Variants in CSTPP1 observed in about 807,000 individuals in gnomAD.
CSTPP1 encodes the protein UPF0705 protein C11orf49.
At chr11:46,983,586 G>A in the CSTPP1 span, among the ~76,000 whole-genome samples, 5 of 152,258 alleles carry the variant, frequency 3.3e-5, no homozygotes, top group South Asian at 4.1e-4. Context: ...CAGGGATGCA[G>A]GTGTGCTGTT....
chr11:47,147,320 A>AT, the CSTPP1 span, among the ~76,000 whole-genome samples: 1 of 152,202 alleles, frequency 6.6e-6, no homozygotes, highest in Non-Finnish European at 1.5e-5. Flanking sequence ...AGCATGGAAA[A>AT]GAAGCTAGGC....
the CSTPP1 span, among the ~76,000 whole-genome samples, chr11:47,156,309 C>A: frequency 6.6e-6 from 1 of 152,216 alleles, no homozygotes; most frequent in South Asian, 2.1e-4. Flanking sequence ...CCTCTTCTCA[C>A]AGCACCCCCA....
chr11:47,073,461 G>C, the CSTPP1 span, among the ~76,000 whole-genome samples: 2 of 152,174 alleles, frequency 1.3e-5, no homozygotes, highest in Admixed American at 1.3e-4. Flanking sequence ...TGGGGGGCCA[G>C]GGTAGGAGGG....
the CSTPP1 span, among the ~76,000 whole-genome samples, chr11:47,132,243 T>C: frequency 6.6e-6 from 1 of 152,238 alleles, no homozygotes; most frequent in African/African-American, 2.4e-5. Context: ...GTTCACACAG[T>C]AACCAGAACT....
At chr11:47,069,236 A>G in the CSTPP1 span, among the ~76,000 whole-genome samples, 1 of 152,214 alleles carries the variant, frequency 6.6e-6, no homozygotes. Flanking sequence ...AATCAAAGCC[A>G]AGGTCTCCTA....
At chr11:47,060,133 T>C in the CSTPP1 span, among the ~76,000 whole-genome samples, 1 of 1,082 alleles carries the variant, frequency 9.2e-4, no homozygotes, top group Non-Finnish European at 2.1e-3. Flanking sequence ...AGAAAAAGAA[T>C]CGAAACTGAG....
the CSTPP1 span, among the ~76,000 whole-genome samples, chr11:47,103,151 A>G: frequency 2.0e-5 from 3 of 152,116 alleles, no homozygotes; most frequent in African/African-American, 2.4e-5. Flanking sequence ...TAATCCCAGC[A>G]CTTTGGGAGG....
chr11:46,947,960 G>A, the CSTPP1 span: 1 of 435,614 alleles, frequency 2.3e-6, no homozygotes, highest in Admixed American at 2.5e-5. Context: ...TAATGTGGCA[G>A]AACTCCTCCT....
At chr11:47,161,502 C>G in the CSTPP1 span, 1 of 1,614,150 alleles carries the variant, frequency 6.2e-7, no homozygotes. Context: ...TCGGTCACAG[C>G]CAGTCCAGAG....
the CSTPP1 span, among the ~76,000 whole-genome samples, chr11:47,125,997 A>G: frequency 1.3e-5 from 2 of 151,728 alleles, no homozygotes; most frequent in East Asian, 3.9e-4. Flanking sequence ...ATCCCGGGTG[A>G]CAGAGCAAGA....
chr11:47,128,782 CTG>C, the CSTPP1 span, among the ~76,000 whole-genome samples: 1 of 152,130 alleles, frequency 6.6e-6, no homozygotes, highest in East Asian at 1.9e-4. Context: ...GGTGAGAAAA[CTG>C]AGGCCTAGAA....
chr11:47,038,092 C>T, the CSTPP1 span, among the ~76,000 whole-genome samples: 9 of 74,976 alleles, frequency 1.2e-4, 2 homozygotes, highest in Non-Finnish European at 3.4e-4. Flanking sequence ...GGCGGCTGGC[C>T]GGGCGGGGGG....
At chr11:46,987,263 C>T in the CSTPP1 span, 6 of 1,614,176 alleles carry the variant, frequency 3.7e-6, no homozygotes, top group East Asian at 2.2e-5. Context: ...TGCTAGAAAA[C>T]AGGGAAGATA....
chr11:47,047,113 C>G, the CSTPP1 span, among the ~76,000 whole-genome samples: 1 of 152,100 alleles, frequency 6.6e-6, no homozygotes. Context: ...GTTGGCCAGG[C>G]TGGTCTTGAA....
chr11:46,946,396 C>T, the CSTPP1 span, among the ~76,000 whole-genome samples: 7 of 152,210 alleles, frequency 4.6e-5, no homozygotes, highest in Non-Finnish European at 7.3e-5. Flanking sequence ...AGTGGCTCAA[C>T]GCCTGTAATC....
At chr11:47,015,805 A>C in the CSTPP1 span, among the ~76,000 whole-genome samples, 1 of 152,164 alleles carries the variant, frequency 6.6e-6, no homozygotes, top group Admixed American at 6.5e-5. Context: ...CCAGGAATGC[A>C]TGTGGTGGTT....
At chr11:47,111,036 C>G in the CSTPP1 span, among the ~76,000 whole-genome samples, 3 of 151,984 alleles carry the variant, frequency 2.0e-5, no homozygotes, top group African/African-American at 7.3e-5. Context: ...ACTACAGGCG[C>G]CCGTCACCAC....
chr11:46,949,699 G>A, the CSTPP1 span, among the ~76,000 whole-genome samples: 23 of 143,878 alleles, frequency 1.6e-4, 1 homozygote, highest in South Asian at 6.5e-4. Context: ...ACAGAGTTTC[G>A]CTCCATCACC....
the CSTPP1 span, among the ~76,000 whole-genome samples, chr11:47,122,436 A>G: frequency 6.6e-6 from 1 of 152,254 alleles, no homozygotes; most frequent in Admixed American, 6.5e-5. Flanking sequence ...AGGTTTCTGA[A>G]GGAAGATACA....
Sources: gnomAD v4.1 joint callset for allele counts (sites outside exome capture counted in the v4.1 genomes callset) on GRCh38, gnomAD v4.1.1 for gene constraint, MANE v1.5 for transcripts, NCBI Gene and HGNC (gene_info 2026-07-23, HGNC 2026-07-21) for gene names.